SEPTIN2: variants seen among roughly 807,000 people sequenced by gnomAD.
SEPTIN2 encodes the protein septin 2.
In SEPTIN2, 34 loss-of-function variants were observed where a neutral mutation model predicts 46.5. The ratio of observed to expected loss-of-function variants is 0.73; its 90% CI spans 0.56 to 0.97. SEPTIN2 has a LOEUF of 0.97. Among genes scored for constraint, SEPTIN2 ranks in the 50% least tolerant of loss-of-function variants. The pLI is 0.00. For synonymous variants in SEPTIN2, 175 were observed against 153.4 expected (o/e 1.14, Z -1.04); for missense variants, 347 against 448.4 (o/e 0.77, Z 2.04).
intron 12 of SEPTIN2, among the ~76,000 whole-genome samples, chr2:241,350,985 C>T (rs1180147567): frequency 6.6e-6 from 1 of 152,156 alleles, no homozygotes; most frequent in Non-Finnish European, 1.5e-5. Flanking sequence ...GGGGTAAAGG[C>T]AAACAAACCT....
upstream of SEPTIN2, chr2:241,315,605 C>T (rs553724695): frequency 3.3e-5 from 5 of 152,360 alleles, no homozygotes. Context: ...AAACCGAGCT[C>T]ATAAGGTAGG....
rs1025989354 is a variant in SEPTIN2 at position 241,348,209 on chromosome 2, A to G, written c.984+18A>G. On this transcript the variant is annotated intron_variant, in intron 11 of 12. Coordinates refer to ENST00000391971, the MANE Select transcript of SEPTIN2 (RefSeq NM_004404.5). The stretch of plus-strand genomic sequence containing the variant: ...AAGCTGAGGTAAGTAGGAAAGTACT[A>G]TTGGTTGGTTGGTTGGTTGGTTGTT... 8.7e-6 allele frequency: 14 copies of G among 1,602,084 alleles called. No individual in the cohort carries two copies. Among genetic ancestry groups the G allele is most frequent in the South Asian group, 5.5e-5 (5 of 90,442 alleles).
At chr2:241,327,050 CAAAAAAAAAAAAAAA>C (rs59492636) in intron 3 of SEPTIN2, among the ~76,000 whole-genome samples, 4 of 66,020 alleles carry the variant, frequency 6.1e-5, no homozygotes, top group Admixed American at 5.9e-4. Flanking sequence ...AACCTTGTCT[CAAAAAAAAAAAAAAA>C]AAAAAAAAAA....
chr2:241,332,661 A>G (rs1442937143), intron 3 of SEPTIN2, among the ~76,000 whole-genome samples: 1 of 152,234 alleles, frequency 6.6e-6, no homozygotes, highest in Non-Finnish European at 1.5e-5. Flanking sequence ...CATGTCCATA[A>G]AGATTTGTAT....
At position 241,324,270 on chromosome 2, in the gene SEPTIN2, A is replaced by G. The variant is rs1054219176; in HGVS notation, c.9+29A>G. 11 of 1,590,056 alleles carry G rather than the reference A, an allele frequency of 6.9e-6. No individual in the cohort carries two copies. In the East Asian group the frequency reaches 1.1e-4, roughly 16 times the overall value. ...AGATCATACTTCATGTATCTACAGC[A>G]TAAGGAGAAATTGCTTTATGTTTTC... is the stretch of plus-strand genomic sequence containing the variant. On this transcript the variant is annotated intron_variant, in intron 2 of 12. Transcript: ENST00000391971.
intron 1 of SEPTIN2, among the ~76,000 whole-genome samples, chr2:241,320,933 T>G (rs938624439): frequency 6.6e-6 from 1 of 152,224 alleles, no homozygotes; most frequent in Admixed American, 6.5e-5. Flanking sequence ...TAGAGATTGC[T>G]TATGGCTTTG....
At chr2:241,328,805 G>C (rs554365394) in intron 3 of SEPTIN2, among the ~76,000 whole-genome samples, 29 of 151,740 alleles carry the variant, frequency 1.9e-4, no homozygotes, top group Admixed American at 3.3e-4. Context: ...TGGATCACCT[G>C]AGGTGGCAAG....
In SEPTIN2 at chr2:241,335,697, T is replaced by A. The variant is rs1355564896; in HGVS notation, c.218-278T>A. 3 of 566,516 alleles carry A rather than the reference T, an allele frequency of 5.3e-6. No individual in the cohort carries two copies. In the East Asian group the frequency reaches 9.0e-5, roughly 17 times the overall value. The allele number at this position is 566,516 out of a possible 1,614,324, so 35.1% of individuals were successfully genotyped here. On this transcript the variant is annotated intron_variant, in intron 4 of 12. Coordinates refer to ENST00000391971, the MANE Select transcript of SEPTIN2 (RefSeq NM_004404.5). ...CCTTTCAGAATATTTTTGAATTCAG[T>A]TTTTAAATGAATTCGTAAATTGCTT...
intron 1 of SEPTIN2, among the ~76,000 whole-genome samples, chr2:241,323,903 T>A (rs977035493): frequency 1.3e-5 from 2 of 152,206 alleles, no homozygotes; most frequent in African/African-American, 2.4e-5. Context: ...GAAGTAACAG[T>A]CATAAGGATC....
At chr2:241,345,958 C>T (rs559058016) in intron 9 of SEPTIN2, among the ~76,000 whole-genome samples, 1 of 152,156 alleles carries the variant, frequency 6.6e-6, no homozygotes, top group Admixed American at 6.5e-5. Flanking sequence ...GTTTGTATAT[C>T]ATTTATTGGG....
rs2060845474 is a variant in SEPTIN2 at position 241,352,227 on chromosome 2, C to CAATT, written c.*290_*291insAATT. ...AATGTTAGAATTGATTTCCAAGAATCGGCATGTATACTTAATACTGAATTT... is the reference window on the plus strand; with the variant it reads ...AATGTTAGAATTGATTTCCAAGAATCAATTGGCATGTATACTTAATACTGAATTT... On this transcript the variant is annotated 3_prime_UTR_variant, in exon 13 of 13. Coordinates refer to ENST00000391971, the MANE Select transcript of SEPTIN2 (RefSeq NM_004404.5). The CAATT allele has an allele frequency of 6.6e-6, 1 of 152,638 alleles. No individual in the cohort carries two copies. The highest frequency in any genetic ancestry group is 1.5e-5 in the Non-Finnish European group (1 of 68,044). The allele number at this position is 152,638 out of a possible 1,614,324, so 9.5% of individuals were successfully genotyped here.
At chr2:241,324,456 C>G (rs1468079288) in intron 2 of SEPTIN2, 1 of 516,080 alleles carries the variant, frequency 1.9e-6, no homozygotes, top group African/African-American at 2.0e-5. Context: ...GGCATGATCT[C>G]AGCTCACTGC....
intron 1 of SEPTIN2, among the ~76,000 whole-genome samples, chr2:241,322,480 G>A (rs377318762): frequency 1.2e-3 from 178 of 151,804 alleles, no homozygotes; most frequent in East Asian, 7.0e-3. Context: ...GGTGGCGGGC[G>A]CCTGTAGTCC....
At chr2:241,348,470 A>G (rs1445717394) in intron 11 of SEPTIN2, among the ~76,000 whole-genome samples, 1 of 152,158 alleles carries the variant, frequency 6.6e-6, no homozygotes, top group Non-Finnish European at 1.5e-5. Context: ...ACCTCAGGTG[A>G]TCTGCCCACC....
chr2:241,323,327 C>T (rs564713821), intron 1 of SEPTIN2, among the ~76,000 whole-genome samples: 8 of 152,220 alleles, frequency 5.3e-5, no homozygotes, highest in Admixed American at 4.6e-4. Flanking sequence ...CGCACCACCA[C>T]GCCTGGCTGA....
chr2:241,319,781 A>G (rs560396393), intron 1 of SEPTIN2, among the ~76,000 whole-genome samples: 81 of 152,138 alleles, frequency 5.3e-4, no homozygotes, highest in African/African-American at 2.0e-3. Flanking sequence ...TTTTGTAGAG[A>G]CAGTGTTTCA....
At chr2:241,348,911 T>C (rs1323605560) in intron 11 of SEPTIN2, among the ~76,000 whole-genome samples, 2 of 152,232 alleles carry the variant, frequency 1.3e-5, no homozygotes, top group East Asian at 3.8e-4. Context: ...AGAAAATACT[T>C]CTTTGGTCAA....
At chr2:241,351,197 C>G (rs1292054270) in intron 12 of SEPTIN2, 1 of 152,164 alleles carries the variant, frequency 6.6e-6, no homozygotes, top group Non-Finnish European at 1.5e-5. Context: ...GGCAGGGAGT[C>G]TTGAGGCCTC....
intron 1 of SEPTIN2, chr2:241,318,336 G>A (rs1451617015): frequency 1.3e-5 from 2 of 152,166 alleles, no homozygotes; most frequent in Non-Finnish European, 2.9e-5. Flanking sequence ...ACATGTAATA[G>A]GTGATAAGGT....
Sources: gnomAD v4.1 joint callset for allele counts (sites outside exome capture counted in the v4.1 genomes callset) on GRCh38, gnomAD v4.1.1 for gene constraint, MANE v1.5 for transcripts, NCBI Gene and HGNC (gene_info 2026-07-23, HGNC 2026-07-21) for gene names.